The following LRRC37A2 variants were observed in gnomAD, a reference collection of about 807,000 sequenced individuals.
LRRC37A2 encodes the protein leucine rich repeat containing 37 member A2.
A neutral mutation model predicts 68.8 loss-of-function variants in LRRC37A2; 9 were observed. The observed-to-expected ratio is 0.13, with a 90% CI of 0.08 to 0.23. The LOEUF (loss-of-function observed/expected upper bound fraction) is 0.23. LRRC37A2 is among the 10% of genes least tolerant of loss of function. The pLI is 1.00. For missense variants in LRRC37A2, 168 were observed against 950.4 expected, an observed-to-expected ratio of 0.18 and a Z score of 10.82; for synonymous variants, 63 against 367.6, an observed-to-expected ratio of 0.17 and a Z score of 9.48.
At chr17:46,392,455 T>TTC in the LRRC37A2 span, among the ~76,000 whole-genome samples, 1 of 64,800 alleles carries the variant, frequency 1.5e-5, no homozygotes, top group African/African-American at 5.0e-5. Flanking sequence ...CTTTCTTTCT[T>TTC]TCTTTCTTTC....
chr17:46,805,905 G>C, the LRRC37A2 span, among the ~76,000 whole-genome samples: 1 of 152,236 alleles, frequency 6.6e-6, no homozygotes, highest in African/African-American at 2.4e-5. Flanking sequence ...CAGGCAGTTT[G>C]TCTCTTGTTT....
chr17:46,932,102 T>G, the LRRC37A2 span: 2 of 1,613,480 alleles, frequency 1.2e-6, no homozygotes, highest in East Asian at 4.5e-5. Context: ...GTCCAGCACC[T>G]GCAGACTGCG....
the LRRC37A2 span, among the ~76,000 whole-genome samples, chr17:46,864,794 C>A: frequency 6.6e-6 from 1 of 152,120 alleles, no homozygotes; most frequent in Non-Finnish European, 1.5e-5. Flanking sequence ...TCGCCTTGGA[C>A]GACCAATCTT....
chr17:46,928,224 G>C, the LRRC37A2 span, among the ~76,000 whole-genome samples: 1 of 152,166 alleles, frequency 6.6e-6, no homozygotes, highest in Non-Finnish European at 1.5e-5. Flanking sequence ...AGCTCACCCA[G>C]CTTCTTTTGG....
At chr17:46,816,079 C>G in the LRRC37A2 span, among the ~76,000 whole-genome samples, 1 of 151,588 alleles carries the variant, frequency 6.6e-6, no homozygotes, top group South Asian at 2.1e-4. Flanking sequence ...GTGGGGCTTT[C>G]CCCACACTGT....
At chr17:46,908,866 A>G in the LRRC37A2 span, among the ~76,000 whole-genome samples, 2 of 152,180 alleles carry the variant, frequency 1.3e-5, no homozygotes. Flanking sequence ...GGGACCTCAG[A>G]GGAGCCCAAA....
At chr17:46,865,634 G>A in the LRRC37A2 span, among the ~76,000 whole-genome samples, 2 of 152,106 alleles carry the variant, frequency 1.3e-5, no homozygotes, top group African/African-American at 2.4e-5. Context: ...TTTGGTGTGT[G>A]TGACAGGGTC....
the LRRC37A2 span, among the ~76,000 whole-genome samples, chr17:46,948,348 A>G: frequency 3.3e-5 from 5 of 152,372 alleles, no homozygotes; most frequent in East Asian, 1.9e-4. Flanking sequence ...CTAGCATTGC[A>G]TAGGACCCAG....
chr17:46,758,277 C>A, the LRRC37A2 span, among the ~76,000 whole-genome samples: 2 of 152,196 alleles, frequency 1.3e-5, no homozygotes, highest in Admixed American at 1.3e-4. Flanking sequence ...GTCCACAAGG[C>A]CCTGTGGGGA....
chr17:46,931,525 T>C, the LRRC37A2 span: 1 of 415,102 alleles, frequency 2.4e-6, no homozygotes, highest in Non-Finnish European at 4.3e-6. Flanking sequence ...AGTTTTGTTC[T>C]GCTCTTTGGT....
chr17:46,788,263 T>C, the LRRC37A2 span, among the ~76,000 whole-genome samples: 1 of 152,234 alleles, frequency 6.6e-6, no homozygotes, highest in African/African-American at 2.4e-5. Context: ...TTTGCATCTT[T>C]AGTTCATTTT....
chr17:46,588,521 CTT>C, the LRRC37A2 span, among the ~76,000 whole-genome samples: 2 of 76,154 alleles, frequency 2.6e-5, no homozygotes, highest in African/African-American at 1.4e-4. Context: ...TGCAATCTAG[CTT>C]ATCTAGTAAA....
the LRRC37A2 span, among the ~76,000 whole-genome samples, chr17:46,862,363 G>A: frequency 5.9e-5 from 9 of 152,068 alleles, no homozygotes; most frequent in Non-Finnish European, 1.3e-4. Flanking sequence ...TATTAATTTT[G>A]CAGGTAGACA....
the LRRC37A2 span, among the ~76,000 whole-genome samples, chr17:46,844,783 A>G: frequency 1.3e-5 from 2 of 151,802 alleles, no homozygotes; most frequent in Non-Finnish European, 2.9e-5. Flanking sequence ...AGTCCCTAAG[A>G]AAGTTGTTTT....
At chr17:46,769,071 C>T in the LRRC37A2 span, among the ~76,000 whole-genome samples, 1 of 152,320 alleles carries the variant, frequency 6.6e-6, no homozygotes, top group Admixed American at 6.5e-5. Flanking sequence ...AATCCCAGCA[C>T]CTTGGGAGGC....
At chr17:46,739,142 G>C in the LRRC37A2 span, among the ~76,000 whole-genome samples, 3 of 152,208 alleles carry the variant, frequency 2.0e-5, no homozygotes, top group African/African-American at 7.2e-5. Flanking sequence ...GGCCAAGGTA[G>C]GTGGATCATT....
chr17:46,754,192 T>G, the LRRC37A2 span, among the ~76,000 whole-genome samples: 1 of 149,884 alleles, frequency 6.7e-6, no homozygotes, highest in South Asian at 2.1e-4. Context: ...TTGATTCATA[T>G]GTAATTCTAT....
At chr17:46,809,214 G>T in the LRRC37A2 span, among the ~76,000 whole-genome samples, 2 of 152,188 alleles carry the variant, frequency 1.3e-5, no homozygotes, top group Non-Finnish European at 2.9e-5. Flanking sequence ...GCCATGGGAG[G>T]TGTCAGAGCA....
At chr17:46,492,263 C>A in the LRRC37A2 span, among the ~76,000 whole-genome samples, 1 of 151,160 alleles carries the variant, frequency 6.6e-6, no homozygotes, top group African/African-American at 2.5e-5. Context: ...TCGCGCCCGG[C>A]CCGTTTGACT....
Sources: gnomAD v4.1 joint callset for allele counts (sites outside exome capture counted in the v4.1 genomes callset) on GRCh38, gnomAD v4.1.1 for gene constraint, MANE v1.5 for transcripts, NCBI Gene and HGNC (gene_info 2026-07-23, HGNC 2026-07-21) for gene names.